Variants in DNASE1 observed in about 807,000 individuals in gnomAD.
DNASE1 encodes the protein deoxyribonuclease 1.
A neutral mutation model predicts 33.9 loss-of-function variants in DNASE1; 40 were observed. That is an observed-to-expected ratio of 1.18 (90% CI 0.92 to 1.54). The LOEUF is 1.54. Among genes scored for constraint, DNASE1 ranks in the 40% most tolerant of loss-of-function variants. The pLI, the probability that DNASE1 is intolerant of heterozygous loss-of-function variation, is 0.00. For missense variants in DNASE1, 518 were observed against 372.6 expected, an observed-to-expected ratio of 1.39 and a Z score of -3.21; for synonymous variants, 216 against 160.0, an observed-to-expected ratio of 1.35 and a Z score of -2.64.
exon 10 of DNASE1, chr16:3,663,403 T>TA: frequency 6.2e-7 from 1 of 1,613,746 alleles, no homozygotes; most frequent in African/African-American, 1.3e-5. Flanking sequence ...GCCCCACGCC[T>TA]AGAGAGCAGG....
chr16:3,647,462 C>T (rs1299638859), intron 1 of DNASE1, among the ~76,000 whole-genome samples: 1 of 151,950 alleles, frequency 6.6e-6, no homozygotes, highest in Non-Finnish European at 1.5e-5. Flanking sequence ...TTTGTAGAGA[C>T]AGGTTCTTGC....
In DNASE1 at chr16:3,628,914, G is replaced by T. The variant is rs569380996; in HGVS notation, c.-1358-11801G>T. ...AGGCTGGGCGCAGTGGCTCACGCCG[G>T]TAATCCCAGCACTTTGGGAAGCCGA... On this transcript the variant is annotated intron_variant and NMD_transcript_variant, in intron 1 of 11. Transcript: ENST00000570769. Among the ~76,000 whole-genome samples, 6 of 146,324 alleles carry T rather than the reference G, an allele frequency of 4.1e-5. No individual in the cohort carries two copies. In the East Asian group the frequency reaches 1.3e-3, roughly 31 times the overall value.
intron 1 of DNASE1, among the ~76,000 whole-genome samples, chr16:3,616,046 T>C (rs1015747451): frequency 6.6e-6 from 1 of 152,228 alleles, no homozygotes; most frequent in African/African-American, 2.4e-5. Flanking sequence ...ATAGTCACAT[T>C]TTCTAGACTG....
At chr16:3,625,366 C>T (rs556671972) in intron 1 of DNASE1, among the ~76,000 whole-genome samples, 6 of 151,736 alleles carry the variant, frequency 4.0e-5, no homozygotes, top group Non-Finnish European at 8.8e-5. Context: ...TTCTTGTAGT[C>T]TCTGAAACTT....
chr16:3,619,982 CTCG>C (rs1282724270), intron 1 of DNASE1, among the ~76,000 whole-genome samples: 9 of 146,214 alleles, frequency 6.2e-5, no homozygotes, highest in Non-Finnish European at 1.3e-4. Context: ...GTGGCATAAT[CTCG>C]CCTCACTGCA....
chr16:3,632,001 GCTT>G (rs1451082484), intron 1 of DNASE1, among the ~76,000 whole-genome samples: 1 of 152,116 alleles, frequency 6.6e-6, no homozygotes, highest in Non-Finnish European at 1.5e-5. Flanking sequence ...CAAAAATTCT[GCTT>G]CTTTATAGCT....
chr16:3,613,908 ATT>A lies in DNASE1; in HGVS notation c.-1359+1924_-1359+1925del, dbSNP rs200976238. ...AGGCGCCCGCAACCGCGCCTGGCTA[ATT>A]TTTTTTTTTTTTTTTTTTTTTGGAC... On this transcript the variant is annotated intron_variant and NMD_transcript_variant, in intron 1 of 11. Transcript: ENST00000570769. 3.4e-3 allele frequency among the ~76,000 whole-genome samples: 387 copies of A among 113,134 alleles called. 4 individuals are homozygous for A. The highest frequency in any genetic ancestry group is 0.013 in the African/African-American group (349 of 26,752). 74.2% of individuals were successfully genotyped at this position (113,134 alleles called of 152,430 possible).
intron 7 of DNASE1, among the ~76,000 whole-genome samples, 160 bp from the exon 8 acceptor site, chr16:3,657,560 T>G (rs757631746): frequency 1.3e-5 from 2 of 152,184 alleles, no homozygotes; most frequent in African/African-American, 4.8e-5. Flanking sequence ...TAGGCTGTCA[T>G]GTGGTTTCCA....
chr16:3,623,369 C>G (rs781409177), intron 1 of DNASE1, among the ~76,000 whole-genome samples: 2 of 152,146 alleles, frequency 1.3e-5, no homozygotes, highest in African/African-American at 2.4e-5. Flanking sequence ...ACCTGAAACT[C>G]TAAAGATCTT....
upstream of DNASE1, chr16:3,651,535 C>G (rs371302365): frequency 6.6e-6 from 1 of 152,312 alleles, no homozygotes. Context: ...GTACCCCACT[C>G]ACTCCCCTGA....
At chr16:3,647,118 T>A (rs1748411476) in intron 1 of DNASE1, among the ~76,000 whole-genome samples, 1 of 152,188 alleles carries the variant, frequency 6.6e-6, no homozygotes, top group South Asian at 2.1e-4. Context: ...GTTTCTAAGA[T>A]GGAAACCTGG....
chr16:3,640,590 T>C, upstream of DNASE1: 1 of 397,398 alleles, frequency 2.5e-6, no homozygotes. Flanking sequence ...TGTTGCTGCA[T>C]CCTACATGAG....
At chr16:3,658,614 A>T, downstream of DNASE1, 1 of 622,884 alleles carries the variant, frequency 1.6e-6, no homozygotes, top group South Asian at 2.0e-5. Flanking sequence ...CAGAGGTTGT[A>T]GTGAGCCAAG....
exon 10 of DNASE1, chr16:3,663,553 A>G: frequency 1.2e-6 from 2 of 1,613,974 alleles, no homozygotes; most frequent in African/African-American, 1.3e-5. Context: ...TGCTCAAAGC[A>G]GAAGAGAACC....
exon 10 of DNASE1, chr16:3,664,611 G>A (rs1416508793): frequency 2.4e-5 from 19 of 789,004 alleles, no homozygotes; most frequent in South Asian, 3.9e-5. Flanking sequence ...GGGGTTGTCC[G>A]AGAGCAGGCC....
chr16:3,650,027 C>T (rs1276898660), upstream of DNASE1, among the ~76,000 whole-genome samples: 3 of 152,168 alleles, frequency 2.0e-5, no homozygotes, highest in African/African-American at 2.4e-5. Context: ...TGAGAACTTG[C>T]TCCCGCTAAG....
chr16:3,625,311 C>CA (rs1341998181), intron 1 of DNASE1, among the ~76,000 whole-genome samples: 4 of 148,614 alleles, frequency 2.7e-5, no homozygotes, highest in Non-Finnish European at 6.0e-5. Context: ...GTCTCCAAAA[C>CA]AAAAAACAAT....
upstream of DNASE1, among the ~76,000 whole-genome samples, chr16:3,640,085 T>TTCTGCCC (rs1211201393): frequency 6.6e-6 from 1 of 152,210 alleles, no homozygotes; most frequent in East Asian, 1.9e-4. Flanking sequence ...GGTGATGGCC[T>TTCTGCCC]TCTGCGGAGT....
upstream of DNASE1, chr16:3,653,752 A>G (rs1165336967): frequency 7.5e-6 from 1 of 133,744 alleles, no homozygotes; most frequent in Non-Finnish European, 1.6e-5. Flanking sequence ...GGTTGCAGTG[A>G]GCCGAGATAG....
Sources: gnomAD v4.1 joint callset for allele counts (sites outside exome capture counted in the v4.1 genomes callset) on GRCh38, gnomAD v4.1.1 for gene constraint, MANE v1.5 for transcripts, NCBI Gene and HGNC (gene_info 2026-07-23, HGNC 2026-07-21) for gene names.